PDE3A: variants seen among roughly 807,000 people sequenced by gnomAD.
The protein encoded by PDE3A is phosphodiesterase 3A, also known as cGMP-inhibited 3',5'-cyclic phosphodiesterase 3A.
PDE3A carries 43 observed loss-of-function variants against 98.3 expected under a neutral mutation model. The ratio of observed to expected loss-of-function variants is 0.44; its 90% CI spans 0.34 to 0.56. The LOEUF is 0.56. PDE3A is among the 20% of genes least tolerant of loss of function. PDE3A has a pLI of 0.01. For synonymous variants in PDE3A, 663 were observed against 567.9 expected, an observed-to-expected ratio of 1.17 and a Z score of -2.38; for missense variants, 1,427 against 1,440.7, an observed-to-expected ratio of 0.99 and a Z score of 0.15.
intron 1 of PDE3A, among the ~76,000 whole-genome samples, chr12:20,519,700 A>C (rs1187920667): frequency 6.6e-6 from 1 of 152,242 alleles, no homozygotes; most frequent in Non-Finnish European, 1.5e-5. Context: ...ACATATGTGC[A>C]AGATGTAGTT....
intron 2 of PDE3A, among the ~76,000 whole-genome samples, chr12:20,575,617 A>G (rs1201371344): frequency 1.3e-5 from 2 of 151,984 alleles, no homozygotes; most frequent in Admixed American, 1.3e-4. Flanking sequence ...GGTAACACAT[A>G]TTACTCTCTA....
chr12:20,384,189 T>A (rs577581391), intron 1 of PDE3A, among the ~76,000 whole-genome samples: 1 of 151,668 alleles, frequency 6.6e-6, no homozygotes, highest in East Asian at 2.0e-4. Flanking sequence ...TTGACATTTT[T>A]TTTTTTTTTT....
intron 12 of PDE3A, 48 bp from the exon 13 acceptor site, chr12:20,648,640 T>C: frequency 8.5e-7 from 1 of 1,175,248 alleles, no homozygotes; most frequent in Non-Finnish European, 1.3e-6. Context: ...ATGATTTTTG[T>C]GATTATTTTC....
chr12:20,675,490 G>T (rs1387485919), intron 15 of PDE3A, among the ~76,000 whole-genome samples: 2 of 152,112 alleles, frequency 1.3e-5, no homozygotes, highest in Admixed American at 6.6e-5. Flanking sequence ...GAGCTGTCTG[G>T]TTCTGAGAGT....
At chr12:20,441,360 C>T (rs1247686970) in intron 1 of PDE3A, among the ~76,000 whole-genome samples, 8 of 151,832 alleles carry the variant, frequency 5.3e-5, no homozygotes, top group Admixed American at 4.6e-4. Context: ...CTGAGAAAGA[C>T]GTAGTCGAAG....
chr12:20,644,735 AATATTATTACTC>A (rs1944731672), intron 10 of PDE3A, among the ~76,000 whole-genome samples: 1 of 151,986 alleles, frequency 6.6e-6, no homozygotes. Flanking sequence ...AGTACCATAT[AATATTATTACTC>A]ATATTTACGA....
chr12:20,563,379 A>G (rs1246864131), intron 2 of PDE3A, among the ~76,000 whole-genome samples: 1 of 152,170 alleles, frequency 6.6e-6, no homozygotes, highest in Non-Finnish European at 1.5e-5. Context: ...TGGAAAGATG[A>G]CCAGCCGTAT....
chr12:20,551,670 G>A (rs994644328), intron 1 of PDE3A: 16 of 1,605,738 alleles, frequency 1.0e-5, no homozygotes, highest in Non-Finnish European at 1.3e-5. Flanking sequence ...GCCTGGACCC[G>A]CCCCTCAGCA....
At chr12:20,673,249 G>T (rs1044747760) in intron 15 of PDE3A, among the ~76,000 whole-genome samples, 2 of 151,904 alleles carry the variant, frequency 1.3e-5, no homozygotes, top group South Asian at 2.1e-4. Flanking sequence ...TACACTGTTG[G>T]TGGGACTGTA....
intron 1 of PDE3A, among the ~76,000 whole-genome samples, chr12:20,529,919 A>G (rs1946593178): frequency 1.3e-5 from 2 of 152,002 alleles, no homozygotes; most frequent in African/African-American, 4.9e-5. Context: ...TCAGTGCTCA[A>G]TGCCTGTCTC....
rs185026525 is a variant in PDE3A, at chr12:20,519,914, G to T, written c.961-36746G>T. On this transcript the variant is annotated intron_variant, in intron 1 of 15. Transcript: ENST00000359062. ...TGCTGCTCCAGGTACTTTGCTAAGGGACATCATCTCACATCGGTTTTCTCC... is the reference window on the plus strand; with the variant it reads ...TGCTGCTCCAGGTACTTTGCTAAGGTACATCATCTCACATCGGTTTTCTCC... 4.2e-3 allele frequency among the ~76,000 whole-genome samples: 634 copies of T among 152,232 alleles called. 3 individuals carry two copies. Among genetic ancestry groups the T allele is most frequent in the Admixed American group, 0.014 (210 of 15,296 alleles).
At chr12:20,561,133 T>C (rs1249874764) in intron 2 of PDE3A, among the ~76,000 whole-genome samples, 1 of 151,830 alleles carries the variant, frequency 6.6e-6, no homozygotes, top group African/African-American at 2.4e-5. Context: ...TGATGGCATG[T>C]GACTGTAGTC....
intron 1 of PDE3A, among the ~76,000 whole-genome samples, chr12:20,443,439 A>AT (rs898720158): frequency 4.0e-4 from 60 of 151,356 alleles, no homozygotes; most frequent in Middle Eastern, 3.4e-3. Context: ...GTAATACCTC[A>AT]TTTTTTTTTA....
chr12:20,638,687 C>T (rs558899316), intron 9 of PDE3A, among the ~76,000 whole-genome samples: 10 of 152,242 alleles, frequency 6.6e-5, no homozygotes, highest in East Asian at 3.9e-4. Flanking sequence ...AAGCCTGTAA[C>T]GGTGCCACAG....
intron 8 of PDE3A, 121 bp downstream of exon 8, chr12:20,635,177 T>C (rs1252532035): frequency 1.9e-5 from 16 of 832,034 alleles, no homozygotes; most frequent in Non-Finnish European, 2.6e-5. Flanking sequence ...TCCCAACATT[T>C]TGGGAGGACG....
chr12:20,508,697 G>A (rs1946162395), intron 1 of PDE3A, among the ~76,000 whole-genome samples: 3 of 151,784 alleles, frequency 2.0e-5, no homozygotes, highest in Admixed American at 1.3e-4. Context: ...CTTTGCAATT[G>A]TACTACCTGG....
intron 1 of PDE3A, among the ~76,000 whole-genome samples, chr12:20,483,893 G>A (rs1045247421): frequency 1.3e-5 from 2 of 152,178 alleles, no homozygotes; most frequent in African/African-American, 2.4e-5. Flanking sequence ...TTTTAAAAAT[G>A]TATAATGCTT....
intron 1 of PDE3A, among the ~76,000 whole-genome samples, chr12:20,427,035 G>T (rs4762753): frequency 0.18 from 26,706 of 151,898 alleles, 2,624 homozygotes; most frequent in Non-Finnish European, 0.21. Flanking sequence ...GTCTAGTTTT[G>T]AAATCTTAAG....
At chr12:20,679,414 AT>A (rs566744254) in intron 15 of PDE3A, among the ~76,000 whole-genome samples, 1 of 151,826 alleles carries the variant, frequency 6.6e-6, no homozygotes, top group Non-Finnish European at 1.5e-5. Context: ...CGCCTGGTTA[AT>A]TTTTTGTATT....
Sources: gnomAD v4.1 joint callset for allele counts (sites outside exome capture counted in the v4.1 genomes callset) on GRCh38, gnomAD v4.1.1 for gene constraint, MANE v1.5 for transcripts, NCBI Gene and HGNC (gene_info 2026-07-23, HGNC 2026-07-21) for gene names.